The following CPQ variants were observed in gnomAD, a reference collection of about 807,000 sequenced individuals.
The protein encoded by CPQ is Ser-Met dipeptidase.
Under a neutral mutation model 45.7 loss-of-function variants are expected in CPQ, and 37 were observed. That is an observed-to-expected ratio of 0.81 (90% confidence interval 0.62 to 1.07). The LOEUF (loss-of-function observed/expected upper bound fraction) is 1.07. Among genes scored for constraint, CPQ ranks in the 50% least tolerant of loss-of-function variants. The pLI is 0.00. For missense variants in CPQ, 537 were observed against 572.9 expected, an observed-to-expected ratio of 0.94 and a Z score of 0.64; for synonymous variants, 186 against 205.8, an observed-to-expected ratio of 0.90 and a Z score of 0.82.
At chr8:96,845,654 T>TA (rs1190927506) in intron 3 of CPQ, among the ~76,000 whole-genome samples, 3 of 151,924 alleles carry the variant, frequency 2.0e-5, no homozygotes, top group South Asian at 4.1e-4. Context: ...GTCTATTTTT[T>TA]AAAAAAAATT....
intron 3 of CPQ, among the ~76,000 whole-genome samples, chr8:96,842,520 G>A (rs200868771): frequency 1.4e-5 from 2 of 141,006 alleles, no homozygotes; most frequent in Admixed American, 1.4e-4. Context: ...ATGCAGGTGG[G>A]GCCACTGTGC....
At chr8:96,952,593 A>G (rs1293118833) in intron 4 of CPQ, among the ~76,000 whole-genome samples, 1 of 152,118 alleles carries the variant, frequency 6.6e-6, no homozygotes, top group African/African-American at 2.4e-5. Context: ...AGAAGGAACC[A>G]CCAAAATGGC....
chr8:96,850,584 T>TTTTATTTATTTA (rs199730159), intron 3 of CPQ, among the ~76,000 whole-genome samples: 78 of 136,636 alleles, frequency 5.7e-4, no homozygotes, highest in East Asian at 1.3e-3. Flanking sequence ...TTTTATTTTA[T>TTTTATTTATTTA]TTTATTTATT....
At chr8:97,099,797 A>T (rs907254716) in intron 7 of CPQ, among the ~76,000 whole-genome samples, 1 of 152,212 alleles carries the variant, frequency 6.6e-6, no homozygotes, top group Non-Finnish European at 1.5e-5. Context: ...ACCAATCTCC[A>T]GGCAGTTCTT....
chr8:96,779,774 T>C (rs1443446429), intron 1 of CPQ, among the ~76,000 whole-genome samples: 1 of 152,182 alleles, frequency 6.6e-6, no homozygotes, highest in Non-Finnish European at 1.5e-5. Flanking sequence ...CAACAACACA[T>C]TGGAAAAATG....
At chr8:96,735,945 G>A (rs974149518) in intron 1 of CPQ, among the ~76,000 whole-genome samples, 3 of 151,994 alleles carry the variant, frequency 2.0e-5, no homozygotes, top group African/African-American at 7.2e-5. Flanking sequence ...CCTAAGGGAG[G>A]GTTGTTATGC....
At position 97,061,358 on chromosome 8, in the gene CPQ, AAAAAGTTTTTAATGTATACATTTAAC is replaced by A. The variant is rs1317996782; in HGVS notation, c.1054-4650_1054-4625del. Among the ~76,000 whole-genome samples, 1,119 of 152,236 alleles carry A rather than the reference AAAAAGTTTTTAATGTATACATTTAAC, an allele frequency of 7.4e-3. 10 individuals are homozygous for A. Among genetic ancestry groups the A allele is most frequent in the African/African-American group, 0.025 (1,045 of 41,550 alleles). ...GTATACCTTGTGTTATGATCATGAA[AAAAAGTTTTTAATGTATACATTTAAC>A]TACGGTCTTTGTATTTCTGAATTAA... On this transcript the variant is annotated intron_variant, in intron 6 of 7. Transcript: ENST00000220763.
At chr8:96,931,002 T>C (rs10094858) in intron 4 of CPQ, among the ~76,000 whole-genome samples, 12,209 of 152,212 alleles carry the variant, frequency 0.08, 955 homozygotes, top group African/African-American at 0.21. Context: ...GGGAGGAAAC[T>C]CAAGAGTGTT....
chr8:96,878,548 C>A (rs1812178646), intron 3 of CPQ, among the ~76,000 whole-genome samples: 2 of 152,078 alleles, frequency 1.3e-5, no homozygotes, highest in South Asian at 4.2e-4. Context: ...TAGCAATAAG[C>A]CCAGATTTGA....
chr8:96,766,868 G>A (rs1331658740), intron 1 of CPQ, among the ~76,000 whole-genome samples: 1 of 151,764 alleles, frequency 6.6e-6, no homozygotes, highest in East Asian at 1.9e-4. Flanking sequence ...GGCAAGCTGG[G>A]CACACTTTGC....
intron 4 of CPQ, among the ~76,000 whole-genome samples, chr8:96,946,526 T>C (rs1813191304): frequency 6.6e-6 from 1 of 152,052 alleles, no homozygotes. Context: ...TGTATACATG[T>C]GCCATGCTGG....
At chr8:96,848,885 C>T (rs1278779598) in intron 3 of CPQ, among the ~76,000 whole-genome samples, 4 of 152,116 alleles carry the variant, frequency 2.6e-5, no homozygotes, top group African/African-American at 9.7e-5. Flanking sequence ...GTCAAACCAA[C>T]AAGAAATTTC....
intron 1 of CPQ, among the ~76,000 whole-genome samples, chr8:96,674,311 TG>T (rs1275488948): frequency 6.6e-6 from 1 of 152,178 alleles, no homozygotes; most frequent in Non-Finnish European, 1.5e-5. Context: ...AACACTTTTG[TG>T]GGTTTATTGA....
chr8:96,961,776 A>T (rs1165215677), intron 4 of CPQ, among the ~76,000 whole-genome samples: 1 of 152,232 alleles, frequency 6.6e-6, no homozygotes, highest in Non-Finnish European at 1.5e-5. Context: ...CTCAATAAAA[A>T]TTGTTGAAGG....
At chr8:96,749,583 G>GA (rs1810232674) in intron 1 of CPQ, among the ~76,000 whole-genome samples, 1 of 152,176 alleles carries the variant, frequency 6.6e-6, no homozygotes, top group Admixed American at 6.5e-5. Flanking sequence ...CGAGAGCTTG[G>GA]AAGGGGAGCT....
chr8:96,772,675 C>T (rs763032843), intron 1 of CPQ, among the ~76,000 whole-genome samples: 5 of 151,986 alleles, frequency 3.3e-5, no homozygotes, highest in African/African-American at 9.7e-5. Context: ...GTTTGGAAAA[C>T]GAGAGGCAGT....
intron 7 of CPQ, among the ~76,000 whole-genome samples, chr8:97,124,904 G>GA (rs1811819691): frequency 6.6e-6 from 1 of 151,808 alleles, no homozygotes; most frequent in Admixed American, 6.6e-5. Flanking sequence ...TAAGTACGTA[G>GA]AAAAAAGTAG....
rs557342955 is a variant in CPQ at position 96,965,245 on chromosome 8, G to A, written c.850-690G>A. On this transcript the variant is annotated intron_variant, in intron 4 of 7. Coordinates refer to ENST00000220763, the MANE Select transcript of CPQ (RefSeq NM_016134.4). The stretch of plus-strand genomic sequence containing the variant: ...AATCAATTCAACACATGTTTATTAC[G>A]TTTCTTCTAGAATTTGGGACAGTTA... 1.8e-4 allele frequency among the ~76,000 whole-genome samples: 27 copies of A among 151,554 alleles called. No homozygotes were observed. The South Asian group carries it at 2.1e-3, about 12-fold the overall frequency.
intron 4 of CPQ, among the ~76,000 whole-genome samples, chr8:96,922,493 T>C (rs1010195915): frequency 1.3e-5 from 2 of 152,236 alleles, no homozygotes; most frequent in Admixed American, 6.5e-5. Context: ...AACAGACTGC[T>C]GTGAATTCCG....
Sources: allele counts gnomAD v4.1 joint callset (sites outside exome capture counted in the v4.1 genomes callset), GRCh38; gene constraint gnomAD v4.1.1; transcripts MANE v1.5; gene names NCBI Gene and HGNC (gene_info 2026-07-23, HGNC 2026-07-21).